The following SOX6 variants were observed in gnomAD, a reference collection of about 807,000 sequenced individuals.
The protein encoded by SOX6 is transcription factor SOX-6.
SOX6 carries 11 observed loss-of-function variants against 97.8 expected under a neutral mutation model. That is an observed-to-expected ratio of 0.11 (90% CI 0.07 to 0.19). SOX6 has a LOEUF of 0.19. SOX6 is among the 10% of genes least tolerant of loss of function. SOX6 has a pLI of 1.00. For missense variants in SOX6, 810 were observed against 1,039.5 expected (o/e 0.78, Z 3.04); for synonymous variants, 360 against 371.4 (o/e 0.97, Z 0.35).
intron 1 of SOX6, among the ~76,000 whole-genome samples, chr11:16,390,150 T>C (rs1302473021): frequency 2.0e-5 from 3 of 150,506 alleles, no homozygotes; most frequent in South Asian, 2.1e-4. Context: ...ATTTGTAATA[T>C]AGAAGTTGGG....
intron 3 of SOX6, among the ~76,000 whole-genome samples, chr11:16,295,204 A>G (rs1400133899): frequency 1.3e-5 from 2 of 152,090 alleles, no homozygotes; most frequent in Non-Finnish European, 2.9e-5. Flanking sequence ...TTTTCAAATC[A>G]AGACTGAAAG....
At chr11:16,603,962 C>A (rs1467063065) in intron 4 of SOX6, among the ~76,000 whole-genome samples, 1 of 152,254 alleles carries the variant, frequency 6.6e-6, no homozygotes, top group African/African-American at 2.4e-5. Context: ...GTCGGCCAAG[C>A]CCGTGCCTGC....
At chr11:15,975,793 A>G (rs867651799) in intron 15 of SOX6, among the ~76,000 whole-genome samples, 4 of 151,954 alleles carry the variant, frequency 2.6e-5, no homozygotes, top group Non-Finnish European at 5.9e-5. Flanking sequence ...CCTAGCACAT[A>G]TCAAGATCAG....
chr11:16,152,013 A>G (rs1850471052), intron 6 of SOX6, among the ~76,000 whole-genome samples: 2 of 152,174 alleles, frequency 1.3e-5, no homozygotes, highest in African/African-American at 4.8e-5. Context: ...TTATGACATA[A>G]TAAGTTGTCT....
intron 3 of SOX6, among the ~76,000 whole-genome samples, chr11:16,242,885 T>G (rs545401854): frequency 6.6e-6 from 1 of 152,116 alleles, no homozygotes; most frequent in African/African-American, 2.4e-5. Context: ...CCTTTATAGT[T>G]TGACCCTGCT....
rs78905264 is a variant in SOX6 at position 16,064,092 on chromosome 11, C to A, written c.1102-8191G>T. Among the ~76,000 whole-genome samples the A allele has an allele frequency of 6.6e-3, 996 of 151,858 alleles. 6 individuals are homozygous for A. The highest frequency in any genetic ancestry group is 0.01 in the Admixed American group (156 of 15,236). ...GACAAGAAAGAGGTAACAGCACCAC[C>A]AGTCACCTTGAAGGAATAAGTGTCA... On this transcript the variant is annotated intron_variant, in intron 9 of 15. Transcript: ENST00000683767.
At chr11:16,165,608 G>A (rs780984388) in intron 6 of SOX6, among the ~76,000 whole-genome samples, 1 of 152,008 alleles carries the variant, frequency 6.6e-6, no homozygotes, top group Non-Finnish European at 1.5e-5. Flanking sequence ...GCTAAATGAC[G>A]AATCCTAGGC....
At chr11:16,484,449 T>C (rs1358228630) in intron 4 of SOX6, 6 of 800,434 alleles carry the variant, frequency 7.5e-6, no homozygotes, top group East Asian at 4.9e-5. Context: ...TTACTGACAA[T>C]GAAGAGCTCC....
intron 4 of SOX6, among the ~76,000 whole-genome samples, chr11:16,496,423 C>G (rs1860597489): frequency 6.6e-6 from 1 of 152,048 alleles, no homozygotes; most frequent in South Asian, 2.1e-4. Flanking sequence ...TCTGCATTTC[C>G]AACTGAGGTA....
At chr11:16,068,750 T>C (rs1281344262) in intron 9 of SOX6, among the ~76,000 whole-genome samples, 1 of 152,214 alleles carries the variant, frequency 6.6e-6, no homozygotes, top group Non-Finnish European at 1.5e-5. Context: ...CTTTTCAGTC[T>C]AAACTCAAGA....
chr11:15,981,344 GC>G (rs1341541992), intron 15 of SOX6, among the ~76,000 whole-genome samples: 1 of 151,976 alleles, frequency 6.6e-6, no homozygotes, highest in Non-Finnish European at 1.5e-5. Context: ...GTAAAAGCTG[GC>G]CCTGATAGAG....
intron 2 of SOX6, among the ~76,000 whole-genome samples, chr11:16,340,658 C>A (rs1452280498): frequency 6.6e-6 from 1 of 151,918 alleles, no homozygotes. Context: ...TTAAATTTTT[C>A]AATATTAATA....
chr11:16,505,029 A>G (rs1860763729), intron 4 of SOX6, among the ~76,000 whole-genome samples: 1 of 152,212 alleles, frequency 6.6e-6, no homozygotes, highest in Non-Finnish European at 1.5e-5. Flanking sequence ...ATTTGCAAAA[A>G]GGAAAGTGGG....
At chr11:16,566,486 G>T (rs1435176683) in intron 4 of SOX6, among the ~76,000 whole-genome samples, 5 of 152,186 alleles carry the variant, frequency 3.3e-5, no homozygotes, top group Admixed American at 2.6e-4. Context: ...GTAAACTCAG[G>T]ATAATTCCTG....
intron 4 of SOX6, among the ~76,000 whole-genome samples, chr11:16,563,129 A>G (rs1191043786): frequency 6.6e-6 from 1 of 152,234 alleles, no homozygotes; most frequent in Non-Finnish European, 1.5e-5. Flanking sequence ...AACATTTTAA[A>G]GCAGCCATGA....
At chr11:16,580,303 A>G (rs571645278) in intron 4 of SOX6, among the ~76,000 whole-genome samples, 1 of 152,296 alleles carries the variant, frequency 6.6e-6, no homozygotes, top group South Asian at 2.1e-4. Context: ...AAAAGACTCT[A>G]TTAATGAGCA....
chr11:16,158,505 T>C (rs917233090), intron 6 of SOX6, among the ~76,000 whole-genome samples: 2 of 152,034 alleles, frequency 1.3e-5, no homozygotes, highest in African/African-American at 2.4e-5. Context: ...AAAAATCATA[T>C]GATAAATGTC....
At chr11:16,456,872 A>T (rs903245388) in intron 1 of SOX6, among the ~76,000 whole-genome samples, 2 of 152,110 alleles carry the variant, frequency 1.3e-5, no homozygotes, top group Non-Finnish European at 2.9e-5. Flanking sequence ...CCATATATCC[A>T]AATTAGTTTT....
At chr11:16,103,835 G>A (rs1028405612) in intron 7 of SOX6, among the ~76,000 whole-genome samples, 3 of 151,304 alleles carry the variant, frequency 2.0e-5, no homozygotes, top group African/African-American at 7.3e-5. Flanking sequence ...GGAATGCAAA[G>A]GCATAAGAAT....
Sources: allele counts gnomAD v4.1 joint callset (sites outside exome capture counted in the v4.1 genomes callset), GRCh38; gene constraint gnomAD v4.1.1; transcripts MANE v1.5; gene names NCBI Gene and HGNC (gene_info 2026-07-23, HGNC 2026-07-21).